The following CAMK4 variants were observed in gnomAD, a reference collection of about 807,000 sequenced individuals.
CAMK4 encodes calcium/calmodulin-dependent protein kinase type IV.
Under a neutral mutation model 44.9 loss-of-function variants are expected in CAMK4, and 22 were observed. That is an observed-to-expected ratio of 0.49 (90% CI 0.35 to 0.70). The LOEUF is 0.70. Ranked by LOEUF, CAMK4 falls within the 30% of genes least tolerant of loss-of-function variation. The pLI, the probability that CAMK4 is intolerant of heterozygous loss-of-function variation, is 0.01. For missense variants in CAMK4, 498 were observed against 586.8 expected (o/e 0.85, Z 1.56); for synonymous variants, 218 against 215.4 (o/e 1.01, Z -0.11).
chr5:111,286,016 A>G (rs540304039), intron 1 of CAMK4, among the ~76,000 whole-genome samples: 2 of 152,314 alleles, frequency 1.3e-5, no homozygotes, highest in African/African-American at 4.8e-5. Flanking sequence ...CATTAGCCAG[A>G]GTCGATCAGA....
intron 5 of CAMK4, among the ~76,000 whole-genome samples, chr5:111,404,116 G>A (rs1752331476): frequency 6.6e-6 from 1 of 152,118 alleles, no homozygotes; most frequent in Non-Finnish European, 1.5e-5. Flanking sequence ...ATGTTGAATG[G>A]GTTGGCTAAG....
chr5:111,424,513 C>G (rs572554463), intron 5 of CAMK4, among the ~76,000 whole-genome samples: 6 of 124,422 alleles, frequency 4.8e-5, no homozygotes, highest in African/African-American at 9.4e-5. Context: ...GGTGTGATCT[C>G]GGCTCACTGC....
chr5:111,459,131 G>T (rs754855195), intron 7 of CAMK4, among the ~76,000 whole-genome samples: 4 of 152,040 alleles, frequency 2.6e-5, no homozygotes, highest in Admixed American at 2.6e-4. Flanking sequence ...AGACTATCAG[G>T]CATCCCCAAG....
intron 1 of CAMK4, among the ~76,000 whole-genome samples, chr5:111,313,759 T>G (rs1003395529): frequency 5.3e-5 from 8 of 152,278 alleles, no homozygotes; most frequent in African/African-American, 1.9e-4. Context: ...TCTCTTTAAG[T>G]GAATTTCATC....
At chr5:111,311,410 T>C (rs75513372) in intron 1 of CAMK4, among the ~76,000 whole-genome samples, 1,696 of 152,280 alleles carry the variant, frequency 0.011, 24 homozygotes, top group African/African-American at 0.039. Context: ...GTTTGAAGAA[T>C]AATTGGTCTT....
chr5:111,322,462 C>A (rs1019019345), intron 1 of CAMK4, among the ~76,000 whole-genome samples: 1 of 151,828 alleles, frequency 6.6e-6, no homozygotes, highest in African/African-American at 2.4e-5. Flanking sequence ...CAAATAAAAC[C>A]AAACTTGATA....
Position 111,255,985 on chromosome 5 carries a change from T to TAC in CAMK4, c.161+31351_161+31352dup, listed in dbSNP as rs201669162. Among the ~76,000 whole-genome samples the TAC allele has an allele frequency of 4.4e-3, 666 of 152,278 alleles. 5 individuals carry two copies. Among genetic ancestry groups the TAC allele is most frequent in the African/African-American group, 0.015 (629 of 41,546 alleles). Reference sequence around the variant, plus strand: ...TCAGTTTCCTTATATTTAGAATGCATACACACACACATATATATAGCTGTA... The same window carrying TAC: ...TCAGTTTCCTTATATTTAGAATGCATACACACACACACATATATATAGCTGTA... On this transcript the variant is annotated intron_variant, in intron 1 of 10. Transcript: ENST00000282356.
At position 111,473,497 on chromosome 5, in the gene CAMK4, T is replaced by C. The variant is rs554720728; in HGVS notation, c.701+111T>C. The C allele has an allele frequency of 1.3e-4, 91 of 696,396 alleles. No individual in the cohort carries two copies. In the African/African-American group the frequency reaches 1.3e-3, roughly 10 times the overall value. The allele number at this position is 696,396 out of a possible 1,614,324, so 43.1% of individuals were successfully genotyped here. A position where few individuals can be genotyped will look rare whatever the true frequency, so the allele number is the denominator to read the frequency against. ...AAGATTACTTTTTGCCTTTTTGTGA[T>C]TTTCTGTTACATACTAAATGCAGTT... is the stretch of plus-strand genomic sequence containing the variant. On this transcript the variant is annotated intron_variant, in intron 8 of 10. Coordinates refer to ENST00000282356, the MANE Select transcript of CAMK4 (RefSeq NM_001744.6).
At chr5:111,308,604 G>A (rs928251707) in intron 1 of CAMK4, among the ~76,000 whole-genome samples, 1 of 152,142 alleles carries the variant, frequency 6.6e-6, no homozygotes, top group Admixed American at 6.5e-5. Flanking sequence ...AAGCATCTCT[G>A]GAATTGAAAT....
At chr5:111,281,829 C>T (rs956166079) in intron 1 of CAMK4, among the ~76,000 whole-genome samples, 12 of 151,962 alleles carry the variant, frequency 7.9e-5, no homozygotes, top group South Asian at 2.1e-4. Context: ...GAGGCCGAGG[C>T]GGGCGGATCA....
chr5:111,463,299 G>A (rs780319449), intron 7 of CAMK4, among the ~76,000 whole-genome samples: 8 of 152,092 alleles, frequency 5.3e-5, no homozygotes, highest in Non-Finnish European at 8.8e-5. Context: ...AAAAAAGGGC[G>A]CAAAGGGCAT....
At chr5:111,463,680 AC>A (rs1223824647) in intron 7 of CAMK4, among the ~76,000 whole-genome samples, 7 of 151,898 alleles carry the variant, frequency 4.6e-5, no homozygotes, top group African/African-American at 1.7e-4. Flanking sequence ...CTGTGTAGAC[AC>A]CCCCCACTAC....
intron 5 of CAMK4, among the ~76,000 whole-genome samples, chr5:111,409,388 G>C (rs537608654): frequency 1.3e-5 from 2 of 152,302 alleles, no homozygotes; most frequent in South Asian, 4.1e-4. Context: ...CATGGCTGGA[G>C]CTGAAGCAGC....
chr5:111,247,721 A>G (rs532352806), intron 1 of CAMK4, among the ~76,000 whole-genome samples: 3 of 152,134 alleles, frequency 2.0e-5, no homozygotes, highest in African/African-American at 4.8e-5. Flanking sequence ...GCCACCCCAG[A>G]TAATGGAGGA....
chr5:111,473,044 T>C (rs1377747564), intron 7 of CAMK4, among the ~76,000 whole-genome samples: 1 of 152,210 alleles, frequency 6.6e-6, no homozygotes, highest in Non-Finnish European at 1.5e-5. Flanking sequence ...CTCTATCTAC[T>C]TGATTTGAGC....
intron 2 of CAMK4, among the ~76,000 whole-genome samples, chr5:111,374,551 G>T (rs1183865063): frequency 6.6e-6 from 1 of 152,152 alleles, no homozygotes; most frequent in Non-Finnish European, 1.5e-5. Flanking sequence ...AGGATAGGTT[G>T]AAATGAGCTT....
At chr5:111,481,675 C>T (rs1054991971) in intron 9 of CAMK4, among the ~76,000 whole-genome samples, 1 of 152,266 alleles carries the variant, frequency 6.6e-6, no homozygotes, top group East Asian at 1.9e-4. Flanking sequence ...AGACATCATG[C>T]TGTAGTGGCC....
At chr5:111,271,629 G>T (rs144585671) in intron 1 of CAMK4, among the ~76,000 whole-genome samples, 15 of 152,290 alleles carry the variant, frequency 9.8e-5, no homozygotes, top group African/African-American at 3.6e-4. Context: ...TCTCTTAGAA[G>T]TTAATAAAAT....
chr5:111,431,420 ATGGG>A (rs1753437664), intron 5 of CAMK4, among the ~76,000 whole-genome samples: 2 of 152,232 alleles, frequency 1.3e-5, no homozygotes, highest in African/African-American at 4.8e-5. Context: ...ACAAGAAAAC[ATGGG>A]GAAAATCTCC....
Sources: gnomAD v4.1 joint callset for allele counts (sites outside exome capture counted in the v4.1 genomes callset) on GRCh38, gnomAD v4.1.1 for gene constraint, MANE v1.5 for transcripts, NCBI Gene and HGNC (gene_info 2026-07-23, HGNC 2026-07-21) for gene names.